Variants in ROBO1 observed in about 807,000 individuals in gnomAD.
ROBO1 encodes the protein roundabout homolog 1.
In ROBO1, 149 loss-of-function variants were observed where a neutral mutation model predicts 195.9. That is an observed-to-expected ratio of 0.76 (90% CI 0.67 to 0.87). The LOEUF (loss-of-function observed/expected upper bound fraction) is 0.87. ROBO1 is among the 40% of genes least tolerant of loss of function. The pLI, the probability that ROBO1 is intolerant of heterozygous loss-of-function variation, is 0.00. For synonymous variants in ROBO1, 816 were observed against 733.2 expected (o/e 1.11, Z -1.82); for missense variants, 1,933 against 2,068.3 (o/e 0.93, Z 1.27).
At chr3:79,636,716 A>G (rs1400234617) in intron 1 of ROBO1, among the ~76,000 whole-genome samples, 1 of 152,146 alleles carries the variant, frequency 6.6e-6, no homozygotes, top group African/African-American at 2.4e-5. Flanking sequence ...AGGCAACAAC[A>G]AATGGTTTGC....
intron 4 of ROBO1, among the ~76,000 whole-genome samples, chr3:78,760,761 C>A (rs1369542892): frequency 6.6e-6 from 1 of 152,092 alleles, no homozygotes; most frequent in Non-Finnish European, 1.5e-5. Flanking sequence ...CCAACCTCAG[C>A]CTCCCAAGTA....
At chr3:78,726,721 G>T (rs2082170770) in intron 5 of ROBO1, among the ~76,000 whole-genome samples, 1 of 152,114 alleles carries the variant, frequency 6.6e-6, no homozygotes, top group Admixed American at 6.6e-5. Context: ...TAACAACAAT[G>T]AGATGCAGGT....
At chr3:78,687,995 T>C (rs1575937710) in intron 9 of ROBO1, among the ~76,000 whole-genome samples, 1 of 151,982 alleles carries the variant, frequency 6.6e-6, no homozygotes, top group South Asian at 2.1e-4. Flanking sequence ...TTTTAAACGC[T>C]TCTAAGATTT....
intron 2 of ROBO1, among the ~76,000 whole-genome samples, chr3:79,232,848 A>G (rs1300478681): frequency 6.6e-6 from 1 of 152,150 alleles, no homozygotes; most frequent in Non-Finnish European, 1.5e-5. Flanking sequence ...TGAAGGTACA[A>G]TACAGCACAA....
chr3:79,567,769 G>T (rs145813620), intron 2 of ROBO1, among the ~76,000 whole-genome samples: 52 of 151,754 alleles, frequency 3.4e-4, no homozygotes, highest in Non-Finnish European at 6.2e-4. Context: ...TGTTATTTTG[G>T]TTCTCCCTTA....
chr3:79,509,750 C>A (rs1302540592), intron 2 of ROBO1, among the ~76,000 whole-genome samples: 3 of 152,120 alleles, frequency 2.0e-5, no homozygotes, highest in Admixed American at 6.6e-5. Context: ...ATGTCAGACT[C>A]TTCCTTAATC....
chr3:78,813,458 C>G (rs2108638502), intron 4 of ROBO1, among the ~76,000 whole-genome samples: 1 of 151,880 alleles, frequency 6.6e-6, no homozygotes, highest in Non-Finnish European at 1.5e-5. Flanking sequence ...TCAACTGGAC[C>G]AAAAAAGAAT....
chr3:79,483,728 C>T (rs1938992479), intron 2 of ROBO1, among the ~76,000 whole-genome samples: 1 of 152,004 alleles, frequency 6.6e-6, no homozygotes, highest in Non-Finnish European at 1.5e-5. Context: ...CTTATGGGAC[C>T]ACTGTCATGT....
chr3:79,569,001 A>T (rs1253249528), intron 2 of ROBO1, among the ~76,000 whole-genome samples: 1 of 152,114 alleles, frequency 6.6e-6, no homozygotes, highest in Non-Finnish European at 1.5e-5. Flanking sequence ...TAGCCACATA[A>T]TTAGCTATCA....
At chr3:79,049,388 A>C (rs1438982537) in intron 3 of ROBO1, among the ~76,000 whole-genome samples, 1 of 152,118 alleles carries the variant, frequency 6.6e-6, no homozygotes, top group Non-Finnish European at 1.5e-5. Context: ...CAGAGAAATA[A>C]GGGACTATGT....
At chr3:78,668,103 G>A in intron 13 of ROBO1, 31 bp downstream of exon 13, 1 of 1,610,672 alleles carries the variant, frequency 6.2e-7, no homozygotes, top group Non-Finnish European at 8.5e-7. Flanking sequence ...AATCAAAAAA[G>A]AACAACTAGG....
chr3:78,898,865 C>A lies in ROBO1; in HGVS notation c.499+39736G>T, dbSNP rs73116716. ...TCTTTCTTCTTATAACATGTCATGT[C>A]TGTTTTCAGTTAGTTTGTAAACAGA... On this transcript the variant is annotated intron_variant, in intron 4 of 30. Transcript: ENST00000464233. 1.1e-3 allele frequency among the ~76,000 whole-genome samples: 174 copies of A among 152,180 alleles called. 2 individuals are homozygous for A. The highest frequency in any genetic ancestry group is 1.4e-3 in the Non-Finnish European group (95 of 68,018).
chr3:78,889,953 T>C (rs779918572), intron 4 of ROBO1, among the ~76,000 whole-genome samples: 1 of 152,024 alleles, frequency 6.6e-6, no homozygotes, highest in Non-Finnish European at 1.5e-5. Flanking sequence ...TGTCACTCTC[T>C]CAGCGAGGCC....
chr3:78,638,065 T>G (rs188079876), intron 22 of ROBO1, among the ~76,000 whole-genome samples: 1 of 152,102 alleles, frequency 6.6e-6, no homozygotes, highest in African/African-American at 2.4e-5. Context: ...ATCTGATTTT[T>G]TACTATTATG....
At chr3:79,554,819 T>C (rs1041668642) in intron 2 of ROBO1, among the ~76,000 whole-genome samples, 3 of 152,152 alleles carry the variant, frequency 2.0e-5, no homozygotes, top group Admixed American at 2.0e-4. Flanking sequence ...CGTTTGAACA[T>C]TGCTTTCTAA....
At chr3:79,498,981 A>AT (rs1162502042) in intron 2 of ROBO1, among the ~76,000 whole-genome samples, 3 of 152,242 alleles carry the variant, frequency 2.0e-5, no homozygotes, top group East Asian at 1.9e-4. Context: ...CCATTCTTTA[A>AT]TTTTTTAAAT....
intron 3 of ROBO1, among the ~76,000 whole-genome samples, chr3:79,075,838 ATAATT>A (rs767179468): frequency 6.6e-6 from 1 of 151,908 alleles, no homozygotes; most frequent in Non-Finnish European, 1.5e-5. Context: ...TAATTATAGT[ATAATT>A]TATATTGTCT....
chr3:78,649,263 G>T (rs1706498529), intron 19 of ROBO1, among the ~76,000 whole-genome samples: 1 of 152,024 alleles, frequency 6.6e-6, no homozygotes, highest in South Asian at 2.1e-4. Flanking sequence ...CTAGCTAACT[G>T]CTAACCCCAC....
At chr3:78,971,278 A>C (rs919307482) in intron 3 of ROBO1, among the ~76,000 whole-genome samples, 4 of 152,046 alleles carry the variant, frequency 2.6e-5, no homozygotes, top group Non-Finnish European at 4.4e-5. Flanking sequence ...AGTCCCAGTT[A>C]CTCGGGAGGC....
Sources: gnomAD v4.1 joint callset for allele counts (sites outside exome capture counted in the v4.1 genomes callset) on GRCh38, gnomAD v4.1.1 for gene constraint, MANE v1.5 for transcripts, NCBI Gene and HGNC (gene_info 2026-07-23, HGNC 2026-07-21) for gene names.